Variants in SPTLC3 observed in about 807,000 individuals in gnomAD.
SPTLC3 encodes the protein serine palmitoyltransferase 3.
In SPTLC3, 36 loss-of-function variants were observed where a neutral mutation model predicts 59.3. That is an observed-to-expected ratio of 0.61 (90% confidence interval 0.47 to 0.80). SPTLC3 has a LOEUF of 0.80. Among genes scored for constraint, SPTLC3 ranks in the 30% least tolerant of loss-of-function variants. The probability of loss-of-function intolerance (pLI) is 0.00; values close to 1 mark genes in which losing one functional copy is unlikely to be tolerated. For missense variants in SPTLC3, 625 were observed against 685.1 expected (o/e 0.91, Z 0.98); for synonymous variants, 257 against 240.8 (o/e 1.07, Z -0.62).
At chr20:13,090,449 G>A (rs1025547682) in intron 4 of SPTLC3, among the ~76,000 whole-genome samples, 1 of 152,126 alleles carries the variant, frequency 6.6e-6, no homozygotes, top group Non-Finnish European at 1.5e-5. Flanking sequence ...TTGCATTTAG[G>A]TGTGGGAAAA....
intron 8 of SPTLC3, among the ~76,000 whole-genome samples, chr20:13,119,915 G>C (rs1017241550): frequency 5.9e-5 from 9 of 152,232 alleles, no homozygotes; most frequent in Admixed American, 2.0e-4. Context: ...GTCAGACTGT[G>C]ATAAACCTGG....
At chr20:13,038,044 G>C in intron 1 of SPTLC3, among the ~76,000 whole-genome samples, 1 of 132,576 alleles carries the variant, frequency 7.5e-6, no homozygotes. Context: ...AGAAAATCAT[G>C]AATATATATA....
Position 13,032,549 on chromosome 20 carries a change from T to C in SPTLC3, c.118-16396T>C, listed in dbSNP as rs145231213. Among the ~76,000 whole-genome samples, 28 of 152,300 alleles carry C rather than the reference T, an allele frequency of 1.8e-4. 1 individual carries two copies. Among genetic ancestry groups the C allele is most frequent in the Middle Eastern group, 6.8e-3 (2 of 294 alleles). ...CCAGCCAGAGGCCCATGCAAGGCCATGTTCCCTCATTTCCACCCACCAATG... is the reference window on the plus strand; with the variant it reads ...CCAGCCAGAGGCCCATGCAAGGCCACGTTCCCTCATTTCCACCCACCAATG... On this transcript the variant is annotated intron_variant, in intron 1 of 11. Coordinates refer to ENST00000399002, the MANE Select transcript of SPTLC3 (RefSeq NM_018327.4).
rs1388241870 is a variant in SPTLC3 at position 13,165,481 on chromosome 20, G to A, written c.*614G>A. On this transcript the variant is annotated 3_prime_UTR_variant, in exon 12 of 12. Transcript: ENST00000399002. ...GCAGAACTGATCAACTGCGACTAGAGACGTCTTTGAAGGAAATTTTCCTTT... is the reference window on the plus strand; with the variant it reads ...GCAGAACTGATCAACTGCGACTAGAAACGTCTTTGAAGGAAATTTTCCTTT... 2 of 152,226 alleles carry A rather than the reference G, an allele frequency of 1.3e-5. No individual in the cohort carries two copies. The highest frequency in any genetic ancestry group is 1.3e-4 in the Admixed American group (2 of 15,276). 9.4% of individuals were successfully genotyped at this position (152,226 alleles called of 1,614,324 possible). A position where few individuals can be genotyped will look rare whatever the true frequency, so the allele number is the denominator to read the frequency against.
intron 7 of SPTLC3, among the ~76,000 whole-genome samples, chr20:13,113,638 G>T (rs985905192): frequency 3.3e-5 from 5 of 152,136 alleles, no homozygotes; most frequent in African/African-American, 7.2e-5. Flanking sequence ...TCAAATCCTG[G>T]CATCACCACC....
intron 9 of SPTLC3, among the ~76,000 whole-genome samples, chr20:13,146,504 T>A (rs549622757): frequency 4.6e-5 from 7 of 152,248 alleles, no homozygotes; most frequent in Non-Finnish European, 8.8e-5. Flanking sequence ...TCATTTAATG[T>A]GTAAAATTAC....
rs140614776 is a variant in SPTLC3, at chr20:13,116,866, T to C, written c.933-640T>C. ...GGGTAGGAGTCTAGCAATCTGTGTT[T>C]TAACAAATCCTTCAGAGGATTCTGA... On this transcript the variant is annotated intron_variant, in intron 7 of 11. Transcript: ENST00000399002. Among the ~76,000 whole-genome samples, 3 of 152,292 alleles carry C rather than the reference T, an allele frequency of 2.0e-5. No individual in the cohort carries two copies. The East Asian group carries it at 5.8e-4, about 29-fold the overall frequency.
At chr20:13,034,086 G>A in intron 1 of SPTLC3, among the ~76,000 whole-genome samples, 1 of 152,182 alleles carries the variant, frequency 6.6e-6, no homozygotes, top group Non-Finnish European at 1.5e-5. Context: ...GAACATCAGA[G>A]ATCAGGCAGA....
At chr20:13,116,531 A>G (rs758071502) in intron 7 of SPTLC3, among the ~76,000 whole-genome samples, 1 of 151,920 alleles carries the variant, frequency 6.6e-6, no homozygotes, top group Non-Finnish European at 1.5e-5. Flanking sequence ...CATAGACTAC[A>G]TTTTTTTCCC....
intron 9 of SPTLC3, among the ~76,000 whole-genome samples, chr20:13,127,661 A>AC (rs1038131319): frequency 6.6e-6 from 1 of 152,110 alleles, no homozygotes; most frequent in Non-Finnish European, 1.5e-5. Context: ...GTCTTCACTT[A>AC]CCCCCATACT....
At chr20:13,115,363 T>G (rs1039271111) in intron 7 of SPTLC3, among the ~76,000 whole-genome samples, 9 of 152,156 alleles carry the variant, frequency 5.9e-5, no homozygotes, top group African/African-American at 1.9e-4. Flanking sequence ...GTCATTAATC[T>G]TAGAGGAAGA....
intron 2 of SPTLC3, among the ~76,000 whole-genome samples, chr20:13,062,842 T>C (rs1235761199): frequency 6.6e-6 from 1 of 152,238 alleles, no homozygotes; most frequent in Admixed American, 6.5e-5. Context: ...TATTCCATGA[T>C]ACTCCATATA....
At chr20:13,049,973 C>T (rs1460788486) in intron 2 of SPTLC3, 4 of 152,148 alleles carry the variant, frequency 2.6e-5, no homozygotes, top group Non-Finnish European at 5.9e-5. Context: ...CCTAGACTTT[C>T]CCAAATGAGA....
chr20:13,089,796 A>C (rs76212473), intron 4 of SPTLC3, among the ~76,000 whole-genome samples: 2 of 144,770 alleles, frequency 1.4e-5, no homozygotes, highest in South Asian at 4.5e-4. Context: ...AAAAAAAAAA[A>C]AAAAAAAACA....
intron 9 of SPTLC3, among the ~76,000 whole-genome samples, chr20:13,143,895 A>G (rs540763319): frequency 4.6e-5 from 7 of 152,268 alleles, no homozygotes; most frequent in South Asian, 4.1e-4. Flanking sequence ...CATTTCAGAC[A>G]TTTGCTGCCA....
chr20:13,027,705 A>T (rs946927971), intron 1 of SPTLC3, among the ~76,000 whole-genome samples: 2 of 151,868 alleles, frequency 1.3e-5, no homozygotes, highest in Non-Finnish European at 2.9e-5. Context: ...TTAGTTATTA[A>T]ACTGCCCAGA....
chr20:13,160,005 C>A lies in SPTLC3; in HGVS notation c.1418C>A (p.Ala473Asp). 6.3e-7 allele frequency: 1 copy of A among 1,598,046 alleles called. No individual in the cohort carries two copies. The highest frequency in any genetic ancestry group is 1.1e-5 in the South Asian group (1 of 88,888). ...LLLYMPGKVA[A>D]FARHMLEKKI... ...TTCTTTTTTTGCTTTTCCTTAAGGGCTTTTGCAAGGCATATGCTAGAGAAA... is the reference window on the plus strand; with the variant it reads ...TTCTTTTTTTGCTTTTCCTTAAGGGATTTTGCAAGGCATATGCTAGAGAAA... The change falls in exon 11 of 12, where the codon GCT (alanine) becomes GAT (aspartate). Residue 473 changes from alanine (A) to aspartate (D), a missense_variant and splice_region_variant. Transcript: ENST00000399002.
rs1201241166 is a variant in SPTLC3 at position 13,093,569 on chromosome 20, A to G, written c.818A>G (p.Lys273Arg). 6 of 1,613,188 alleles carry G rather than the reference A, an allele frequency of 3.7e-6. No individual in the cohort carries two copies. The highest frequency in any genetic ancestry group is 1.7e-5 in the Admixed American group (1 of 59,974). ...TCAGGTGCAACCATAAGAATCTTCA[A>G]ACACAACAGTGAGTATCAGTGTATT... The part of the protein sequence containing the change: ...RLSGATIRIF[K>R]HNNTQSLEKL... Residue 273 changes from lysine (K) to arginine (R), a missense_variant, in exon 6 of 12, where the codon AAA becomes AGA. Lys to Arg is a conservative substitution (Grantham distance 26). Coordinates refer to ENST00000399002, the MANE Select transcript of SPTLC3 (RefSeq NM_018327.4).
At chr20:13,043,776 C>A (rs533500789) in intron 1 of SPTLC3, among the ~76,000 whole-genome samples, 1 of 152,224 alleles carries the variant, frequency 6.6e-6, no homozygotes, top group Non-Finnish European at 1.5e-5. Context: ...ACCACCTTCT[C>A]TCTGTCCTCT....
Sources: allele counts gnomAD v4.1 joint callset (sites outside exome capture counted in the v4.1 genomes callset), GRCh38; gene constraint gnomAD v4.1.1; transcripts MANE v1.5; gene names NCBI Gene and HGNC (gene_info 2026-07-23, HGNC 2026-07-21).